TMCO4: variants seen among roughly 807,000 people sequenced by gnomAD.
The protein encoded by TMCO4 is transmembrane and coiled-coil domains 4.
Under a neutral mutation model 64.7 loss-of-function variants are expected in TMCO4, and 58 were observed. The observed-to-expected ratio is 0.90, with a 90% CI of 0.73 to 1.12. TMCO4 has a LOEUF of 1.12. Ranked by LOEUF, TMCO4 falls within the 50% of genes most tolerant of loss-of-function variation. TMCO4 has a pLI of 0.00. For synonymous variants in TMCO4, 325 were observed against 346.1 expected (o/e 0.94, Z 0.68); for missense variants, 780 against 825.9 (o/e 0.94, Z 0.68).
chr1:19,753,883 G>T (rs2042130273), intron 7 of TMCO4, among the ~76,000 whole-genome samples: 1 of 151,930 alleles, frequency 6.6e-6, no homozygotes, highest in South Asian at 2.1e-4. Context: ...ACTACAATAG[G>T]GTCTATAATA....
chr1:19,688,578 T>C (rs2095168052), intron 15 of TMCO4, among the ~76,000 whole-genome samples: 1 of 152,164 alleles, frequency 6.6e-6, no homozygotes, highest in Admixed American at 6.5e-5. Flanking sequence ...AACAGGCTTA[T>C]TGGCACAGGG....
chr1:19,726,698 C>T (rs1017259540), intron 13 of TMCO4, among the ~76,000 whole-genome samples: 1 of 152,228 alleles, frequency 6.6e-6, no homozygotes, highest in African/African-American at 2.4e-5. Flanking sequence ...TCCTCTGCTC[C>T]TCCCACACCT....
chr1:19,695,485 G>T (rs111327617), intron 14 of TMCO4, among the ~76,000 whole-genome samples: 150 of 152,326 alleles, frequency 9.8e-4, no homozygotes, highest in African/African-American at 3.5e-3. Flanking sequence ...AGCCCATTCT[G>T]CTGTCTTTTA....
At chr1:19,725,715 A>G (rs2095405913) in intron 13 of TMCO4, among the ~76,000 whole-genome samples, 1 of 152,204 alleles carries the variant, frequency 6.6e-6, no homozygotes, top group Non-Finnish European at 1.5e-5. Flanking sequence ...AATTCTGACT[A>G]TGCTGGTTTC....
chr1:19,746,197 G>C (rs2041772106), intron 9 of TMCO4, among the ~76,000 whole-genome samples: 1 of 152,184 alleles, frequency 6.6e-6, no homozygotes, highest in Non-Finnish European at 1.5e-5. Context: ...GGAAACTTCT[G>C]GATGGTGGAA....
rs1270862130 is a variant in TMCO4, at chr1:19,755,683, C to A, written c.466G>T (p.Glu156Ter). ...QVPLEELDVL[E>*]EMFLESLKEI... is the part of the protein sequence containing the mutation. ...TTCAGGCTCTCCAGGAACATCTCTT[C>A]AAGGACATCCAGCTCCTCCAAGGGC... The change falls in exon 7 of 16, where the codon GAA (glutamate) becomes TAA (stop). Residue 156 changes from glutamate to a stop codon, truncating the protein, a stop_gained. Transcript: ENST00000294543. LOFTEE classifies it high-confidence loss of function. 1 of 1,614,184 alleles carries A rather than the reference C, an allele frequency of 6.2e-7. No homozygotes were observed. Among genetic ancestry groups the A allele is most frequent in the Admixed American group, 1.7e-5 (1 of 60,026 alleles).
intron 13 of TMCO4, among the ~76,000 whole-genome samples, chr1:19,709,292 G>C (rs1016763987): frequency 2.0e-5 from 3 of 152,062 alleles, no homozygotes; most frequent in African/African-American, 7.2e-5. Context: ...CCGGCGGGGG[G>C]GGGGGACCCT....
intron 6 of TMCO4, among the ~76,000 whole-genome samples, chr1:19,764,081 G>A (rs2042624665): frequency 6.6e-6 from 1 of 152,242 alleles, no homozygotes; most frequent in African/African-American, 2.4e-5. Context: ...CTTCTTGGAT[G>A]TAGGATCAGT....
At chr1:19,729,640 C>G (rs957352824) in intron 13 of TMCO4, among the ~76,000 whole-genome samples, 1 of 151,792 alleles carries the variant, frequency 6.6e-6, no homozygotes, top group African/African-American at 2.4e-5. Flanking sequence ...GTGGTGTGCA[C>G]CTGTAATCCC....
At position 19,711,723 on chromosome 1, in the gene TMCO4, T is replaced by C. The variant is rs185597042; in HGVS notation, c.1265-10838A>G. ...CCCAGGCTGGATTGCAATGGCGTGA[T>C]CTCAGCTCACTGCAACCTTCACCTC... On this transcript the variant is annotated intron_variant, in intron 13 of 15. Transcript: ENST00000294543. Among the ~76,000 whole-genome samples the C allele has an allele frequency of 3.9e-3, 598 of 152,162 alleles. 2 individuals carry two copies. The highest frequency in any genetic ancestry group is 0.014 in the African/African-American group (562 of 41,508).
chr1:19,693,945 G>C lies in TMCO4; in HGVS notation c.1500+489C>G, dbSNP rs1053981777. 2.0e-5 allele frequency among the ~76,000 whole-genome samples: 3 copies of C among 152,306 alleles called. No homozygotes were observed. The East Asian group carries it at 5.8e-4, about 29-fold the overall frequency. On this transcript the variant is annotated intron_variant, in intron 15 of 15. Coordinates refer to ENST00000294543, the MANE Select transcript of TMCO4 (RefSeq NM_181719.7). Reference sequence around the variant, plus strand: ...GGCAGTAATACAGGAGCAAGAGTGAGGGCTCTGGAGGTTCAAATCCAATCC... The same window carrying C: ...GGCAGTAATACAGGAGCAAGAGTGACGGCTCTGGAGGTTCAAATCCAATCC...
rs192451772 is a variant in TMCO4, at chr1:19,778,485, G to A, written c.179+2095C>T. On this transcript the variant is annotated intron_variant, in intron 4 of 15. Transcript: ENST00000294543. ...GATGGGGTTTCACCATGTTGACCAG[G>A]CTGGTCTCAAACTCCTGAGCACAGG... Among the ~76,000 whole-genome samples the A allele has an allele frequency of 2.7e-3, 416 of 152,166 alleles. 6 individuals carry two copies. Among genetic ancestry groups the A allele is most frequent in the Middle Eastern group, 0.014 (4 of 294 alleles).
Position 19,690,545 on chromosome 1 carries a change from C to T in TMCO4, c.1500+3889G>A, listed in dbSNP as rs188025007. ...TGGTCAGCCAGAGCCCACACTTGCT[C>T]ATTCATGTGCTTCCTCCTGCAAGGG... is the stretch of plus-strand genomic sequence containing the variant. On this transcript the variant is annotated intron_variant, in intron 15 of 15. Coordinates refer to ENST00000294543, the MANE Select transcript of TMCO4 (RefSeq NM_181719.7). Among the ~76,000 whole-genome samples, 377 of 152,346 alleles carry T rather than the reference C, an allele frequency of 2.5e-3. 2 individuals carry two copies. Among genetic ancestry groups the T allele is most frequent in the Middle Eastern group, 3.4e-3 (1 of 294 alleles).
Position 19,745,455 on chromosome 1 carries a change from G to C in TMCO4, c.877+77C>G, listed in dbSNP as rs1365951114. 3 of 1,603,500 alleles carry C rather than the reference G, an allele frequency of 1.9e-6. No individual in the cohort carries two copies. In the African/African-American group the frequency reaches 4.0e-5, roughly 21 times the overall value. On this transcript the variant is annotated intron_variant, in intron 10 of 15. Transcript: ENST00000294543. ...CTCCCTATACCTGCTCCCTAGTGCA[G>C]GTAAAAACCTAGCCCAGGGTCTGGC... is the stretch of plus-strand genomic sequence containing the variant.
At chr1:19,741,465 C>T (rs1024375749) in intron 10 of TMCO4, among the ~76,000 whole-genome samples, 2 of 152,106 alleles carry the variant, frequency 1.3e-5, no homozygotes, top group Non-Finnish European at 2.9e-5. Context: ...TGTTTGAGCC[C>T]GGCTCTGTTA....
At chr1:19,702,677 T>C (rs2095280866) in intron 13 of TMCO4, among the ~76,000 whole-genome samples, 1 of 152,036 alleles carries the variant, frequency 6.6e-6, no homozygotes, top group African/African-American at 2.4e-5. Flanking sequence ...GGCAGGGAGA[T>C]TGCTTGAGCC....
intron 7 of TMCO4, among the ~76,000 whole-genome samples, chr1:19,754,690 G>C (rs1323875128): frequency 6.6e-6 from 1 of 152,156 alleles, no homozygotes; most frequent in Non-Finnish European, 1.5e-5. Flanking sequence ...GTTCTGCAAA[G>C]AGCTGAGCAC....
chr1:19,781,277 A>G (rs2043462457), intron 3 of TMCO4, among the ~76,000 whole-genome samples: 1 of 152,068 alleles, frequency 6.6e-6, no homozygotes, highest in African/African-American at 2.4e-5. Flanking sequence ...CCTGGGCAAC[A>G]TAGTGAGACT....
chr1:19,732,834 G>T lies in TMCO4; in HGVS notation c.1264+4538C>A, dbSNP rs2095435925. Among the ~76,000 whole-genome samples, 1 of 152,194 alleles carries T rather than the reference G, an allele frequency of 6.6e-6. No individual in the cohort carries two copies. The highest frequency in any genetic ancestry group is 2.1e-4 in the South Asian group (1 of 4,830). ...ACTTTTGTCCACCGGGTTCATCTTGGAGTCAGATTCCTATCAGATTCTTGT... is the reference window on the plus strand; with the variant it reads ...ACTTTTGTCCACCGGGTTCATCTTGTAGTCAGATTCCTATCAGATTCTTGT... On this transcript the variant is annotated intron_variant, in intron 13 of 15. Coordinates refer to ENST00000294543, the MANE Select transcript of TMCO4 (RefSeq NM_181719.7). The surrounding 1 kb of genome is among the most constrained non-coding windows in gnomAD (Gnocchi z 4.8).
Sources: gnomAD v4.1 joint callset for allele counts (sites outside exome capture counted in the v4.1 genomes callset) on GRCh38, gnomAD v4.1.1 for gene constraint, Gnocchi (gnomAD v3.1) non-coding constraint, MANE v1.5 for transcripts, NCBI Gene and HGNC (gene_info 2026-07-23, HGNC 2026-07-21) for gene names.